The following ZNF234 variants were observed in gnomAD, a reference collection of about 807,000 sequenced individuals.
ZNF234 encodes zinc finger protein 234.
A neutral mutation model predicts 10.3 loss-of-function variants in ZNF234; 4 were observed. The ratio of observed to expected loss-of-function variants is 0.39; its 90% CI spans 0.19 to 0.89. The LOEUF (loss-of-function observed/expected upper bound fraction) is 0.89. Among genes scored for constraint, ZNF234 ranks in the 40% least tolerant of loss-of-function variants. The pLI is 0.38. For missense variants in ZNF234, 711 were observed against 836.1 expected, an observed-to-expected ratio of 0.85 and a Z score of 1.85; for synonymous variants, 258 against 280.1, an observed-to-expected ratio of 0.92 and a Z score of 0.79.
At chr19:44,143,748 G>A (rs540061371) in intron 2 of ZNF234, among the ~76,000 whole-genome samples, 1 of 151,806 alleles carries the variant, frequency 6.6e-6, no homozygotes, top group Non-Finnish European at 1.5e-5. Flanking sequence ...GGAGGAGAAG[G>A]TTGCAGTGAG....
In ZNF234 at chr19:44,160,105, A is replaced by G. The variant is rs1054977291; in HGVS notation, c.*1986A>G. The stretch of plus-strand genomic sequence containing the variant: ...CCCCACACCCATTAAGCGAATACCA[A>G]AAACAACTTGTGGAAATTTGATAAT... On this transcript the variant is annotated 3_prime_UTR_variant, in exon 6 of 6. Coordinates refer to ENST00000426739, the MANE Select transcript of ZNF234 (RefSeq NM_006630.3). The G allele has an allele frequency of 6.6e-6, 1 of 152,098 alleles. No homozygotes were observed. The highest frequency in any genetic ancestry group is 6.6e-5 in the Admixed American group (1 of 15,260). The allele number at this position is 152,098 out of a possible 1,614,324, so 9.4% of individuals were successfully genotyped here.
In ZNF234 at chr19:44,157,097, G is replaced by A; in HGVS notation, c.1081G>A (p.Ala361Thr). ...KCFIQPSQFQAHRRIHTGEKP... is the reference protein window; with the variant it reads ...KCFIQPSQFQTHRRIHTGEKP... Reference sequence around the variant, plus strand: ...CTTTATTCAGCCTTCACAATTTCAGGCCCATCGGAGAATCCACACTGGAGA... The same window carrying A: ...CTTTATTCAGCCTTCACAATTTCAGACCCATCGGAGAATCCACACTGGAGA... The change falls in exon 6 of 6, where the codon GCC (alanine) becomes ACC (threonine). Residue 361 changes from alanine to threonine, a missense_variant. Physicochemically the swap from Ala to Thr is moderately conservative, Grantham distance 58. Coordinates refer to ENST00000426739, the MANE Select transcript of ZNF234 (RefSeq NM_006630.3). 1 of 1,614,034 alleles carries A rather than the reference G, an allele frequency of 6.2e-7. No individual in the cohort carries two copies.
At position 44,157,919 on chromosome 19, in the gene ZNF234, C is replaced by A; in HGVS notation, c.1903C>A (p.Arg635=). 6.2e-7 allele frequency: 1 copy of A among 1,614,080 alleles called. No individual in the cohort carries two copies. Among genetic ancestry groups the A allele is most frequent in the African/African-American group, 1.3e-5 (1 of 75,024 alleles). Reference sequence around the variant, plus strand: ...TGATGTATGTGGTAAAGTCTTCAGTCGGTCTTCACAATTACAGTATCATAG... The same window carrying A: ...TGATGTATGTGGTAAAGTCTTCAGTAGGTCTTCACAATTACAGTATCATAG... ...KCDVCGKVFS[R]SSQLQYHRRV... The change falls in exon 6 of 6, where the codon CGG becomes AGG. Residue 635 remains arginine, a synonymous_variant. Transcript: ENST00000426739.
At chr19:44,144,975 A>G (rs932372208) in intron 3 of ZNF234, among the ~76,000 whole-genome samples, 1 of 152,188 alleles carries the variant, frequency 6.6e-6, no homozygotes, top group African/African-American at 2.4e-5. Context: ...TGTGGAACCC[A>G]TGGATGTGGA....
Position 44,144,622 on chromosome 19 carries a change from CAGG to C in ZNF234, c.-6_-4del. The C allele has an allele frequency of 1.3e-6, 2 of 1,572,672 alleles. No individual in the cohort carries two copies. The highest frequency in any genetic ancestry group is 1.7e-6 in the Non-Finnish European group (2 of 1,155,648). ...TCAGGACTCTGCAAATTCCCAGAAA[CAGG>C]AGGAAAAATGACCACATTCAAGGTG... On this transcript the variant is annotated 5_prime_UTR_variant, in exon 3 of 6. Coordinates refer to ENST00000426739, the MANE Select transcript of ZNF234 (RefSeq NM_006630.3).
At chr19:44,148,154 TCATA>T (rs1177954203) in intron 3 of ZNF234, among the ~76,000 whole-genome samples, 2 of 152,188 alleles carry the variant, frequency 1.3e-5, no homozygotes, top group Admixed American at 1.3e-4. Flanking sequence ...GTAAGAACTA[TCATA>T]CCAAGATGAA....
chr19:44,158,097 A>G lies in ZNF234; in HGVS notation c.2081A>G (p.Glu694Gly). 6.3e-7 allele frequency: 1 copy of G among 1,598,140 alleles called. No individual in the cohort carries two copies. The highest frequency in any genetic ancestry group is 1.1e-5 in the South Asian group (1 of 89,290). Residue 694 changes from glutamate (E) to glycine (G), a missense_variant, in exon 6 of 6, where the codon GAG becomes GGG. By Grantham distance (98) the Glu-to-Gly change is moderately conservative. Transcript: ENST00000426739. ...ENSKNIRELSEGGSSTR is the reference protein window; with the variant it reads ...ENSKNIRELSGGGSSTR ...AGTAAGAACATCAGAGAGTTGTCAG[A>G]GGGAGGAAGTTCTACAAGGTGATTA...
chr19:44,147,829 G>C (rs1186990142), intron 3 of ZNF234, among the ~76,000 whole-genome samples: 1 of 151,832 alleles, frequency 6.6e-6, no homozygotes, highest in Admixed American at 6.6e-5. Context: ...TCCAGCCTGG[G>C]CAACAAGAGT....
intron 3 of ZNF234, among the ~76,000 whole-genome samples, chr19:44,146,659 A>G (rs1968602016): frequency 6.6e-6 from 1 of 152,242 alleles, no homozygotes; most frequent in South Asian, 2.1e-4. Context: ...TGAAATTCAT[A>G]ATAAACATTG....
At chr19:44,142,151 C>T (rs1048210116) in intron 1 of ZNF234, 163 bp from the exon 2 acceptor site, 4 of 152,274 alleles carry the variant, frequency 2.6e-5, no homozygotes, top group African/African-American at 4.8e-5. Flanking sequence ...GGCCTCAGCC[C>T]TTATCTCTGA....
At chr19:44,146,022 C>A (rs1968581444) in intron 3 of ZNF234, among the ~76,000 whole-genome samples, 1 of 152,148 alleles carries the variant, frequency 6.6e-6, no homozygotes, top group South Asian at 2.1e-4. Context: ...ATATGAGAAA[C>A]CTTCTCAGAT....
Position 44,144,628 on chromosome 19 carries a change from G to GA in ZNF234, c.1dup. 6.4e-7 allele frequency: 1 copy of GA among 1,572,874 alleles called. No homozygotes were observed. The highest frequency in any genetic ancestry group is 8.7e-7 in the Non-Finnish European group (1 of 1,155,672). ...CTCTGCAAATTCCCAGAAACAGGAGGAAAAATGACCACATTCAAGGTGAAT... is the reference window on the plus strand; with the variant it reads ...CTCTGCAAATTCCCAGAAACAGGAGGAAAAAATGACCACATTCAAGGTGAAT... On this transcript the variant is annotated 5_prime_UTR_variant, in exon 3 of 6. Transcript: ENST00000426739.
rs1968889150 is a variant in ZNF234 at position 44,156,589 on chromosome 19, T to A, written c.573T>A (p.Leu191=). 4 of 1,614,108 alleles carry A rather than the reference T, an allele frequency of 2.5e-6. No homozygotes were observed. Among genetic ancestry groups the A allele is most frequent in the Non-Finnish European group, 3.4e-6 (4 of 1,180,032 alleles). ...AAAGCTTCTGTTACATCTCAGCCCT[T>A]CATATTCATCAAAGAGTCCACATGG... The part of the protein sequence containing the change: ...CGKSFCYISA[L]HIHQRVHMGE... The change falls in exon 6 of 6, where the codon CTT becomes CTA. Residue 191 remains leucine, a synonymous_variant. Coordinates refer to ENST00000426739, the MANE Select transcript of ZNF234 (RefSeq NM_006630.3).
chr19:44,155,159 TAGAAGTGGTCA>T (rs1968846527), intron 5 of ZNF234, among the ~76,000 whole-genome samples: 1 of 152,238 alleles, frequency 6.6e-6, no homozygotes, highest in Non-Finnish European at 1.5e-5. Flanking sequence ...TAAGTTATAT[TAGAAGTGGTCA>T]AGAGTTTATA....
chr19:44,152,505 G>A (rs75281158), intron 5 of ZNF234, among the ~76,000 whole-genome samples: 3,649 of 152,210 alleles, frequency 0.024, 140 homozygotes, highest in African/African-American at 0.081. Flanking sequence ...TGCCCTTCAC[G>A]TGAATGTTTG....
rs35483237 is a variant in ZNF234 at position 44,158,121 on chromosome 19, T to TAA, written c.*14_*15dup. On this transcript the variant is annotated 3_prime_UTR_variant, in exon 6 of 6. Coordinates refer to ENST00000426739, the MANE Select transcript of ZNF234 (RefSeq NM_006630.3). ...GAGGGAGGAAGTTCTACAAGGTGAT[T>TAA]AAAAAAAAAAAAACAGAACTCATGT... The TAA allele has an allele frequency of 0.089, 122,322 of 1,377,296 alleles. 3,677 individuals are homozygous for TAA. The highest frequency in any genetic ancestry group is 0.4 in the African/African-American group (26,922 of 67,746). 85.3% of individuals were successfully genotyped at this position (1,377,296 alleles called of 1,614,324 possible).
At chr19:44,154,482 T>G (rs751200435) in intron 5 of ZNF234, among the ~76,000 whole-genome samples, 10 of 152,192 alleles carry the variant, frequency 6.6e-5, no homozygotes, top group Non-Finnish European at 1.3e-4. Context: ...AGGTACTTGC[T>G]CCCAGCCTGC....
intron 5 of ZNF234, 131 bp downstream of exon 5, chr19:44,150,636 G>T: frequency 1.6e-6 from 1 of 644,614 alleles, no homozygotes; most frequent in East Asian, 2.8e-5. Context: ...CCTTCGTACT[G>T]GGCGCACTGC....
chr19:44,150,218 G>T (rs1389823846), intron 4 of ZNF234, among the ~76,000 whole-genome samples, 195 bp from the exon 5 acceptor site: 1 of 152,098 alleles, frequency 6.6e-6, no homozygotes, highest in Non-Finnish European at 1.5e-5. Flanking sequence ...TCAGAAATAG[G>T]TTTTTATAGC....
Sources: gnomAD v4.1 joint callset for allele counts (sites outside exome capture counted in the v4.1 genomes callset) on GRCh38, gnomAD v4.1.1 for gene constraint, MANE v1.5 for transcripts, NCBI Gene and HGNC (gene_info 2026-07-23, HGNC 2026-07-21) for gene names.